The following ACBD5 variants were observed in gnomAD, a reference collection of about 807,000 sequenced individuals.
The protein encoded by ACBD5 is acyl-CoA-binding domain-containing protein 5.
ACBD5 carries 40 observed loss-of-function variants against 71.8 expected under a neutral mutation model. That is an observed-to-expected ratio of 0.56 (90% CI 0.43 to 0.72). ACBD5 has a LOEUF of 0.72. Ranked by LOEUF, ACBD5 falls within the 30% of genes least tolerant of loss-of-function variation. The probability of loss-of-function intolerance (pLI) is 0.00; values close to 1 mark genes in which losing one functional copy is unlikely to be tolerated. For missense variants in ACBD5, 559 were observed against 644.5 expected (o/e 0.87, Z 1.44); for synonymous variants, 229 against 218.6 (o/e 1.05, Z -0.42).
rs2059404764 is a variant in ACBD5 at position 27,196,582 on chromosome 10, TATAA to T, written c.*844_*847del. The T allele has an allele frequency of 2.2e-6, 1 of 453,732 alleles. No individual in the cohort carries two copies. The highest frequency in any genetic ancestry group is 4.4e-6 in the Non-Finnish European group (1 of 226,672). The allele number at this position is 453,732 out of a possible 1,614,324, so 28.1% of individuals were successfully genotyped here. Reference sequence around the variant, plus strand: ...TCCTTTTTGACTGTTGTAAAAACAGTATAAATAAGTTTTCATTTTATATTTCAAA... The same window carrying T: ...TCCTTTTTGACTGTTGTAAAAACAGTATAAGTTTTCATTTTATATTTCAAA... On this transcript the variant is annotated 3_prime_UTR_variant, in exon 13 of 13. Coordinates refer to ENST00000396271, the MANE Select transcript of ACBD5 (RefSeq NM_145698.5).
At chr10:27,198,143 G>C (rs11598615) in intron 12 of ACBD5, among the ~76,000 whole-genome samples, 1 of 152,198 alleles carries the variant, frequency 6.6e-6, no homozygotes, top group East Asian at 1.9e-4. Flanking sequence ...TAATCAACAT[G>C]GATTATGTTT....
At chr10:27,205,141 A>G in intron 11 of ACBD5, 57 bp downstream of exon 11, 1 of 1,553,470 alleles carries the variant, frequency 6.4e-7, no homozygotes, top group Non-Finnish European at 8.8e-7. Flanking sequence ...AAAAACAAAA[A>G]CAACAACAAA....
chr10:27,199,122 A>G (rs1047206375), intron 12 of ACBD5, among the ~76,000 whole-genome samples: 1 of 151,726 alleles, frequency 6.6e-6, no homozygotes, highest in Admixed American at 6.6e-5. Flanking sequence ...ATAAATAAAT[A>G]TACAAATAAA....
rs76549611 is a variant in ACBD5 at position 27,216,788 on chromosome 10, T to C, written c.830-1147A>G. 1.8e-4 allele frequency among the ~76,000 whole-genome samples: 27 copies of C among 152,136 alleles called. 1 individual carries two copies. The East Asian group carries it at 5.0e-3, about 28-fold the overall frequency. On this transcript the variant is annotated intron_variant, in intron 7 of 12. Coordinates refer to ENST00000396271, the MANE Select transcript of ACBD5 (RefSeq NM_145698.5). ...ACCTAATAACCCTGTAAGAGAAAAC[T>C]ACCTACCAAGCAGGATGCCTAAATG...
At chr10:27,208,770 G>A (rs760958651) in intron 9 of ACBD5, among the ~76,000 whole-genome samples, 1 of 152,028 alleles carries the variant, frequency 6.6e-6, no homozygotes, top group Non-Finnish European at 1.5e-5. Context: ...CCCTGGAGGC[G>A]GTGGTTGCAG....
rs1299166854 is a variant in ACBD5, at chr10:27,195,295, G to T, written c.*2135C>A. 2.3e-6 allele frequency: 1 copy of T among 441,358 alleles called. No homozygotes were observed. Among genetic ancestry groups the T allele is most frequent in the East Asian group, 7.0e-5 (1 of 14,292 alleles). 27.3% of individuals were successfully genotyped at this position (441,358 alleles called of 1,614,324 possible). On this transcript the variant is annotated 3_prime_UTR_variant, in exon 13 of 13. Transcript: ENST00000396271. ...TTATCATTAAAAAAATACCATAGCT[G>T]TCAAGTTTAAATGAGGTTCTTATTA...
Position 27,196,032 on chromosome 10 carries a change from G to A in ACBD5, c.*1398C>T, listed in dbSNP as rs772852561. 29 of 409,906 alleles carry A rather than the reference G, an allele frequency of 7.1e-5. 1 individual carries two copies. Among genetic ancestry groups the A allele is most frequent in the Non-Finnish European group, 1.0e-4 (22 of 210,034 alleles). The allele number at this position is 409,906 out of a possible 1,614,324, so 25.4% of individuals were successfully genotyped here. ...AGCCTTACCAACATGGAGAAACCCC[G>A]TCTCTACTAAAAATACAAAATTAGC... is the stretch of plus-strand genomic sequence containing the variant. On this transcript the variant is annotated 3_prime_UTR_variant, in exon 13 of 13. Transcript: ENST00000396271.
chr10:27,242,021 A>C (rs753567703), upstream of ACBD5: 1 of 453,714 alleles, frequency 2.2e-6, no homozygotes, highest in South Asian at 1.6e-5. Flanking sequence ...GCAGATCGTA[A>C]GTTACTCTTC....
chr10:27,219,952 A>G, intron 5 of ACBD5, 95 bp from the exon 6 acceptor site: 1 of 1,140,858 alleles, frequency 8.8e-7, no homozygotes, highest in East Asian at 2.9e-5. Context: ...AATAACTAAT[A>G]AAATAATTTT....
intron 13 of ACBD5, among the ~76,000 whole-genome samples, chr10:27,184,336 G>A (rs1308210242): frequency 6.6e-6 from 1 of 152,172 alleles, no homozygotes; most frequent in African/African-American, 2.4e-5. Context: ...TGAGGGAGCA[G>A]ACATTTGGAA....
At position 27,204,603 on chromosome 10, in the gene ACBD5, C is replaced by G. The variant is rs1446901545; in HGVS notation, c.1456-54G>C. The G allele has an allele frequency of 2.4e-6, 3 of 1,252,796 alleles. No homozygotes were observed. The East Asian group carries it at 7.0e-5, about 29-fold the overall frequency. 77.6% of individuals were successfully genotyped at this position (1,252,796 alleles called of 1,614,324 possible). A position where few individuals can be genotyped will look rare whatever the true frequency, so the allele number is the denominator to read the frequency against. ...ATCTATTCAATACTGCATGTATAAA[C>G]TTAAAAACATACCTAATTCATAATT... On this transcript the variant is annotated intron_variant, in intron 11 of 12. Coordinates refer to ENST00000396271, the MANE Select transcript of ACBD5 (RefSeq NM_145698.5).
chr10:27,194,636 T>G (rs148993303), downstream of ACBD5, among the ~76,000 whole-genome samples: 7,928 of 147,296 alleles, frequency 0.054, 706 homozygotes, highest in African/African-American at 0.18. Context: ...ATAATAATAA[T>G]AATAATAATA....
At chr10:27,189,628 G>GGGGGGGGGGA (rs2058984357) in intron 13 of ACBD5, among the ~76,000 whole-genome samples, 4 of 126,840 alleles carry the variant, frequency 3.2e-5, no homozygotes, top group Non-Finnish European at 6.6e-5. Flanking sequence ...GTTGTGGGGT[G>GGGGGGGGGGA]GGGGGGAGGG....
chr10:27,217,901 C>T (rs2137372353), intron 7 of ACBD5, 79 bp downstream of exon 7: 3 of 1,261,220 alleles, frequency 2.4e-6, no homozygotes, highest in Non-Finnish European at 3.4e-6. Flanking sequence ...TTAAATTAAA[C>T]TGATCCTAAA....
At position 27,196,230 on chromosome 10, in the gene ACBD5, C is replaced by T. The variant is rs560271654; in HGVS notation, c.*1200G>A. ...AAAAAATTATTTGTTACAAAGACTG[C>T]ATCAAAGAAATCTTCAAAGCACAAG... On this transcript the variant is annotated 3_prime_UTR_variant, in exon 13 of 13. Transcript: ENST00000396271. The T allele has an allele frequency of 4.4e-6, 2 of 453,966 alleles. No individual in the cohort carries two copies. Among genetic ancestry groups the T allele is most frequent in the South Asian group, 3.1e-5 (2 of 64,470 alleles). 28.1% of individuals were successfully genotyped at this position (453,966 alleles called of 1,614,324 possible).
chr10:27,197,472 T>C (rs1197607721), intron 12 of ACBD5, 30 bp from the exon 13 acceptor site: 2 of 1,562,518 alleles, frequency 1.3e-6, no homozygotes, highest in Non-Finnish European at 1.8e-6. Flanking sequence ...ACCAATTTCC[T>C]GTGAGTATGA....
intron 3 of ACBD5, among the ~76,000 whole-genome samples, chr10:27,234,008 C>T (rs1204413835): frequency 6.6e-6 from 1 of 152,078 alleles, no homozygotes; most frequent in African/African-American, 2.4e-5. Context: ...CACGCCATTG[C>T]ACTCCAGCCT....
intron 13 of ACBD5, among the ~76,000 whole-genome samples, chr10:27,183,770 TGTA>T (rs760361716): frequency 5.3e-5 from 8 of 152,080 alleles, no homozygotes; most frequent in Non-Finnish European, 1.0e-4. Context: ...CAGGCTGGAA[TGTA>T]GTAGCACAAT....
upstream of ACBD5, chr10:27,240,937 C>A (rs934298361): frequency 9.9e-5 from 60 of 605,028 alleles, no homozygotes; most frequent in Non-Finnish European, 1.3e-4. The surrounding 1 kb of genome is among the most constrained non-coding windows in gnomAD (Gnocchi z 4.1). Context: ...TCCGTCTGTC[C>A]CCAGAGGAGG....
Sources: gnomAD v4.1 joint callset for allele counts (sites outside exome capture counted in the v4.1 genomes callset) on GRCh38, gnomAD v4.1.1 for gene constraint, Gnocchi (gnomAD v3.1) non-coding constraint, MANE v1.5 for transcripts, NCBI Gene and HGNC (gene_info 2026-07-23, HGNC 2026-07-21) for gene names.